Variants in THEMIS observed in about 807,000 individuals in gnomAD.
THEMIS encodes the protein protein THEMIS.
A neutral mutation model predicts 52.6 loss-of-function variants in THEMIS; 37 were observed. That is an observed-to-expected ratio of 0.70 (90% confidence interval 0.54 to 0.93). THEMIS has a LOEUF of 0.93. Among genes scored for constraint, THEMIS ranks in the 40% least tolerant of loss-of-function variants. THEMIS has a pLI of 0.00. For missense variants in THEMIS, 808 were observed against 763.1 expected (o/e 1.06, Z -0.69); for synonymous variants, 292 against 272.7 (o/e 1.07, Z -0.70).
intron 1 of THEMIS, among the ~76,000 whole-genome samples, chr6:127,857,661 C>G (rs1779663178): frequency 6.6e-6 from 1 of 152,044 alleles, no homozygotes; most frequent in South Asian, 2.1e-4. Flanking sequence ...GCTATACAAA[C>G]CTTGGTCCAC....
At chr6:127,765,426 T>C (rs762418336) in intron 4 of THEMIS, among the ~76,000 whole-genome samples, 1 of 152,140 alleles carries the variant, frequency 6.6e-6, no homozygotes, top group Non-Finnish European at 1.5e-5. Context: ...CTGTGAAGCA[T>C]AGAGATTCAA....
intron 4 of THEMIS, among the ~76,000 whole-genome samples, chr6:127,779,737 G>C (rs1399850550): frequency 6.6e-6 from 1 of 152,026 alleles, no homozygotes; most frequent in Non-Finnish European, 1.5e-5. Flanking sequence ...GTGAAATATA[G>C]GAAAAATTTC....
downstream of THEMIS, among the ~76,000 whole-genome samples, chr6:127,703,192 C>T (rs1184206559): frequency 2.0e-5 from 3 of 150,048 alleles, no homozygotes; most frequent in Non-Finnish European, 3.0e-5. Context: ...GGACTACAGG[C>T]GCCCGCCACT....
At chr6:127,727,606 A>G (rs150731027) in intron 4 of THEMIS, among the ~76,000 whole-genome samples, 110 of 152,256 alleles carry the variant, frequency 7.2e-4, no homozygotes, top group African/African-American at 2.4e-3. Flanking sequence ...GAGTCTTTAA[A>G]AGGTAAATGT....
rs1055874464 is a variant in THEMIS at position 127,757,310 on chromosome 6, A to G, written c.1759-37487T>C. 7.9e-5 allele frequency among the ~76,000 whole-genome samples: 12 copies of G among 152,178 alleles called. 1 individual carries two copies. Among genetic ancestry groups the G allele is most frequent in the Admixed American group, 7.2e-4 (11 of 15,284 alleles). On this transcript the variant is annotated intron_variant, in intron 4 of 5. Coordinates refer to ENST00000368248, the MANE Select transcript of THEMIS (RefSeq NM_001010923.3). Reference sequence around the variant, plus strand: ...ATACAAATTTTTTCTTGAATAGACAAAAATGTACTAAAAATGTGATAATCT... The same window carrying G: ...ATACAAATTTTTTCTTGAATAGACAGAAATGTACTAAAAATGTGATAATCT...
intron 4 of THEMIS, among the ~76,000 whole-genome samples, chr6:127,763,971 A>T (rs904637191): frequency 6.6e-6 from 1 of 151,930 alleles, no homozygotes; most frequent in Non-Finnish European, 1.5e-5. Flanking sequence ...TCATTCAGAG[A>T]GGGCATATAA....
intron 2 of THEMIS, among the ~76,000 whole-genome samples, chr6:127,844,773 C>A (rs946706861): frequency 3.2e-4 from 48 of 151,950 alleles, no homozygotes; most frequent in African/African-American, 1.1e-3. Flanking sequence ...ATTTACCAAT[C>A]TATGGAGATA....
At chr6:127,727,367 T>G (rs1412082342) in intron 4 of THEMIS, among the ~76,000 whole-genome samples, 1 of 152,178 alleles carries the variant, frequency 6.6e-6, no homozygotes, top group African/African-American at 2.4e-5. Context: ...TGTGACACAT[T>G]TTTTGTTAGA....
Position 127,721,709 on chromosome 6 carries a change from T to C in THEMIS, c.1759-1886A>G, listed in dbSNP as rs998862186. 3.3e-5 allele frequency among the ~76,000 whole-genome samples: 5 copies of C among 152,032 alleles called. No individual in the cohort carries two copies. The East Asian group carries it at 5.8e-4, about 18-fold the overall frequency. On this transcript the variant is annotated intron_variant, in intron 4 of 5. Transcript: ENST00000368248. ...ATTTATTGTCAGGCCTCTATTATCA[T>C]GTAGTTTTTGGAAAGAAGCAGATTT...
At chr6:127,784,178 T>G (rs1392658839) in intron 4 of THEMIS, among the ~76,000 whole-genome samples, 1 of 151,462 alleles carries the variant, frequency 6.6e-6, no homozygotes, top group Non-Finnish European at 1.5e-5. Context: ...TAAGTGGGAG[T>G]TGAACAATGA....
chr6:127,740,332 A>G (rs1400469648), intron 4 of THEMIS, among the ~76,000 whole-genome samples: 2 of 152,140 alleles, frequency 1.3e-5, no homozygotes, highest in African/African-American at 2.4e-5. Flanking sequence ...TAAGGATCAT[A>G]TTTGTGACTG....
At chr6:127,745,932 T>G (rs1353647753) in intron 4 of THEMIS, among the ~76,000 whole-genome samples, 2 of 151,898 alleles carry the variant, frequency 1.3e-5, no homozygotes, top group South Asian at 2.1e-4. Context: ...AGTTTTTAAC[T>G]TATTGTTTAA....
intron 2 of THEMIS, among the ~76,000 whole-genome samples, chr6:127,833,362 T>A (rs1406991314): frequency 6.6e-6 from 1 of 152,216 alleles, no homozygotes; most frequent in Non-Finnish European, 1.5e-5. Flanking sequence ...TTGAAAACTT[T>A]TTCATATGCA....
chr6:127,724,249 T>C (rs1302490932), intron 4 of THEMIS, among the ~76,000 whole-genome samples: 1 of 152,150 alleles, frequency 6.6e-6, no homozygotes, highest in African/African-American at 2.4e-5. Flanking sequence ...TGCAGAACTG[T>C]ATTCATACAG....
chr6:127,808,315 A>G (rs549538432), intron 4 of THEMIS, among the ~76,000 whole-genome samples: 1 of 152,306 alleles, frequency 6.6e-6, no homozygotes, highest in East Asian at 1.9e-4. Flanking sequence ...CACGACAGGC[A>G]AAAACCCCAG....
At chr6:127,815,416 T>G (rs1778093314) in intron 3 of THEMIS, among the ~76,000 whole-genome samples, 1 of 152,138 alleles carries the variant, frequency 6.6e-6, no homozygotes, top group African/African-American at 2.4e-5. Context: ...ATTAACTGTT[T>G]ATGCAGCATC....
At chr6:127,828,601 C>T (rs538460170) in intron 3 of THEMIS, among the ~76,000 whole-genome samples, 8 of 152,252 alleles carry the variant, frequency 5.3e-5, no homozygotes, top group Middle Eastern at 3.4e-3. Context: ...TTTGAAGTAA[C>T]AATGCTCTCT....
chr6:127,764,736 GAGT>G (rs1276610942), intron 4 of THEMIS, among the ~76,000 whole-genome samples: 1 of 151,850 alleles, frequency 6.6e-6, no homozygotes, highest in Non-Finnish European at 1.5e-5. Context: ...TTAGATTTTT[GAGT>G]ATCTTTATTT....
chr6:127,726,022 C>T (rs1027362219), intron 4 of THEMIS, among the ~76,000 whole-genome samples: 1 of 152,118 alleles, frequency 6.6e-6, no homozygotes, highest in Non-Finnish European at 1.5e-5. Flanking sequence ...CTGGACCATT[C>T]ACACCTTCTT....
Sources: allele counts gnomAD v4.1 joint callset (sites outside exome capture counted in the v4.1 genomes callset), GRCh38; gene constraint gnomAD v4.1.1; transcripts MANE v1.5; gene names NCBI Gene and HGNC (gene_info 2026-07-23, HGNC 2026-07-21).